Variants in MORN1 observed in about 807,000 individuals in gnomAD.
MORN1 encodes the protein MORN repeat containing 1.
Under a neutral mutation model 61.9 loss-of-function variants are expected in MORN1, and 67 were observed. That is an observed-to-expected ratio of 1.08 (90% confidence interval 0.89 to 1.33). MORN1 has a LOEUF of 1.33. Among genes scored for constraint, MORN1 ranks in the 40% most tolerant of loss-of-function variants. The pLI is 0.00. For missense variants in MORN1, 752 were observed against 691.2 expected (o/e 1.09, Z -0.99); for synonymous variants, 301 against 292.0 (o/e 1.03, Z -0.31).
chr1:2,328,239 A>C (rs1641077843), intron 12 of MORN1, among the ~76,000 whole-genome samples: 1 of 152,234 alleles, frequency 6.6e-6, no homozygotes. Flanking sequence ...GCCTGAGGCC[A>C]GTTTGCTGCC....
At chr1:2,325,807 T>G (rs2100225559) in intron 12 of MORN1, among the ~76,000 whole-genome samples, 1 of 152,086 alleles carries the variant, frequency 6.6e-6, no homozygotes, top group African/African-American at 2.4e-5. Flanking sequence ...TTTTTTTGTG[T>G]GGGGATGGGG....
At position 2,321,385 on chromosome 1, in the gene MORN1, A is replaced by G. The variant is rs1482747361; in HGVS notation, c.1492T>C (p.Ter498ArgextTer36). 6.6e-6 allele frequency: 10 copies of G among 1,519,760 alleles called. No individual in the cohort carries two copies. Among genetic ancestry groups the G allele is most frequent in the Non-Finnish European group, 7.9e-6 (9 of 1,133,570 alleles). The allele number at this position is 1,519,760 out of a possible 1,614,324, so 94.1% of individuals were successfully genotyped here. Residue 498 changes from the stop codon to arginine (R), a stop_lost, in exon 14 of 14, where the codon TGA becomes CGA. Coordinates refer to ENST00000378531, the MANE Select transcript of MORN1 (RefSeq NM_024848.3). ...TGGCCTCCTGTGGACACGGGGCCTC[A>G]CCGAGGCGCTGGCGGCTCTGGGGTG... ...SCTPEPPAPR[*>R]
At chr1:2,380,025 G>A (rs988351058) in intron 6 of MORN1, among the ~76,000 whole-genome samples, 1 of 152,186 alleles carries the variant, frequency 6.6e-6, no homozygotes, top group African/African-American at 2.4e-5. Context: ...TCCACACGGG[G>A]TGGTGGTGGT....
intron 10 of MORN1, among the ~76,000 whole-genome samples, chr1:2,338,990 C>T (rs1641339499): frequency 6.6e-6 from 1 of 152,110 alleles, no homozygotes; most frequent in South Asian, 2.1e-4. Context: ...CAGAGGACAC[C>T]AGGGCCTATA....
intron 10 of MORN1, chr1:2,351,442 C>T (rs879769009): frequency 3.1e-5 from 5 of 161,998 alleles, no homozygotes; most frequent in Non-Finnish European, 5.4e-5. Flanking sequence ...ACTTTCGAGT[C>T]GGTTGGTGCA....
At chr1:2,370,695 A>C (rs1294299470) in intron 8 of MORN1, among the ~76,000 whole-genome samples, 1 of 148,410 alleles carries the variant, frequency 6.7e-6, no homozygotes, top group Non-Finnish European at 1.5e-5. Context: ...TTTTTAAATG[A>C]GACAGGGTCT....
In MORN1 at chr1:2,372,319, A is replaced by G. The variant is rs1570016410; in HGVS notation, c.745+162T>C. On this transcript the variant is annotated intron_variant, in intron 8 of 13. Coordinates refer to ENST00000378531, the MANE Select transcript of MORN1 (RefSeq NM_024848.3). The surrounding 1 kb of genome is among the most constrained non-coding windows in gnomAD (Gnocchi z 5.4). ...CCCAAGGCTGCCCTGACTGGCAGGGAAGCTGGCACACCTGCGACCTCTCTG... is the reference window on the plus strand; with the variant it reads ...CCCAAGGCTGCCCTGACTGGCAGGGGAGCTGGCACACCTGCGACCTCTCTG... The G allele has an allele frequency of 3.3e-6, 2 of 599,174 alleles. No individual in the cohort carries two copies. Among genetic ancestry groups the G allele is most frequent in the Middle Eastern group, 2.8e-4 (1 of 3,614 alleles). The allele number at this position is 599,174 out of a possible 1,614,324, so 37.1% of individuals were successfully genotyped here.
chr1:2,370,661 AT>A (rs908015466), intron 8 of MORN1, among the ~76,000 whole-genome samples: 206 of 140,714 alleles, frequency 1.5e-3, no homozygotes, highest in African/African-American at 2.4e-3. Flanking sequence ...CCTTTTTTTC[AT>A]TTTTTTTTCT....
chr1:2,347,603 G>C (rs1296209932), intron 10 of MORN1, among the ~76,000 whole-genome samples: 4 of 152,146 alleles, frequency 2.6e-5, no homozygotes, highest in African/African-American at 9.7e-5. Context: ...GCCAGCTGCT[G>C]GCCCCATAGT....
chr1:2,343,019 G>A (rs546691358), intron 10 of MORN1, among the ~76,000 whole-genome samples: 81 of 152,026 alleles, frequency 5.3e-4, no homozygotes, highest in African/African-American at 1.9e-3. Context: ...GATCACGGGC[G>A]TGGCCCCGCG....
intron 10 of MORN1, among the ~76,000 whole-genome samples, chr1:2,348,683 G>A (rs568337717): frequency 0.013 from 1,984 of 148,140 alleles, 35 homozygotes; most frequent in African/African-American, 0.047. Context: ...ACCTGCGCAG[G>A]CACGCACACA....
intron 6 of MORN1, chr1:2,378,735 C>T (rs562895010): frequency 6.7e-5 from 24 of 360,806 alleles, no homozygotes; most frequent in Non-Finnish European, 1.1e-4. Context: ...CGTCTCCCAC[C>T]GAGGATGTTC....
intron 10 of MORN1, among the ~76,000 whole-genome samples, chr1:2,356,089 CA>C (rs1641761990): frequency 6.6e-6 from 1 of 152,146 alleles, no homozygotes; most frequent in Non-Finnish European, 1.5e-5. Flanking sequence ...TGTGAGGACT[CA>C]GGGGCGGCAG....
Position 2,321,424 on chromosome 1 carries a change from C to T in MORN1, c.1453G>A (p.Ala485Thr). The T allele has an allele frequency of 1.9e-6, 3 of 1,539,800 alleles. No individual in the cohort carries two copies. The highest frequency in any genetic ancestry group is 2.6e-6 in the Non-Finnish European group (3 of 1,142,046). ...EGPEASSSWQ[A>T]AHSCTPEPPA... The stretch of plus-strand genomic sequence containing the variant: ...GGCTCTGGGGTGCAGCTGTGGGCGG[C>T]CTGCCAGCTGCTTGAGGCTTCAGGG... The change falls in exon 14 of 14, where the codon GCC (alanine) becomes ACC (threonine). Residue 485 changes from alanine to threonine, a missense_variant. Coordinates refer to ENST00000378531, the MANE Select transcript of MORN1 (RefSeq NM_024848.3).
intron 13 of MORN1, chr1:2,322,922 A>C (rs1278466614): frequency 1.0e-6 from 1 of 985,278 alleles, no homozygotes; most frequent in Admixed American, 6.1e-5. Flanking sequence ...CTCGACGGCC[A>C]CGTGATCTAG....
chr1:2,344,365 G>T (rs772078453), intron 10 of MORN1, among the ~76,000 whole-genome samples: 2 of 152,208 alleles, frequency 1.3e-5, no homozygotes, highest in Non-Finnish European at 2.9e-5. Context: ...AAGGTGGTGC[G>T]GCGAGCTGGC....
intron 4 of MORN1, 185 bp downstream of exon 4, chr1:2,387,234 T>A: frequency 1.6e-6 from 1 of 610,056 alleles, no homozygotes; most frequent in Non-Finnish European, 2.9e-6. Flanking sequence ...CTGGGCATAC[T>A]GGTGTATGCC....
At chr1:2,342,347 G>C (rs1456930637) in intron 10 of MORN1, among the ~76,000 whole-genome samples, 2 of 152,270 alleles carry the variant, frequency 1.3e-5, no homozygotes, top group Non-Finnish European at 2.9e-5. Context: ...AGCCGCGGCA[G>C]GCGCAGGACC....
intron 7 of MORN1, among the ~76,000 whole-genome samples, chr1:2,374,012 G>A (rs2100341125): frequency 6.6e-6 from 1 of 152,294 alleles, no homozygotes; most frequent in South Asian, 2.1e-4. Context: ...CTGACCCCTG[G>A]GGTGGCACCC....
Sources: gnomAD v4.1 joint callset for allele counts (sites outside exome capture counted in the v4.1 genomes callset) on GRCh38, gnomAD v4.1.1 for gene constraint, Gnocchi (gnomAD v3.1) non-coding constraint, MANE v1.5 for transcripts, NCBI Gene and HGNC (gene_info 2026-07-23, HGNC 2026-07-21) for gene names.